The following KCNIP4 variants were observed in gnomAD, a reference collection of about 807,000 sequenced individuals.
The protein encoded by KCNIP4 is potassium voltage-gated channel interacting protein 4.
In KCNIP4, 12 loss-of-function variants were observed where a neutral mutation model predicts 34.0. The ratio of observed to expected loss-of-function variants is 0.35; its 90% CI spans 0.23 to 0.57. The LOEUF is 0.57. Ranked by LOEUF, KCNIP4 falls within the 20% of genes least tolerant of loss-of-function variation. KCNIP4 has a pLI of 0.83. For missense variants in KCNIP4, 238 were observed against 311.7 expected, an observed-to-expected ratio of 0.76 and a Z score of 1.78; for synonymous variants, 124 against 102.2, an observed-to-expected ratio of 1.21 and a Z score of -1.29.
intron 1 of KCNIP4, among the ~76,000 whole-genome samples, chr4:21,380,255 T>C (rs190372755): frequency 3.3e-5 from 5 of 152,250 alleles, no homozygotes; most frequent in Admixed American, 6.5e-5. Context: ...CCTAAGATAA[T>C]ACTATGTAAA....
At chr4:21,291,870 AGAAAGAAAG>A (rs796797925) in intron 1 of KCNIP4, among the ~76,000 whole-genome samples, 4 of 13,268 alleles carry the variant, frequency 3.0e-4, no homozygotes, top group African/African-American at 7.6e-4. Context: ...AAAAAAAAAA[AGAAAGAAAG>A]AAAGAAAGAA....
intron 1 of KCNIP4, among the ~76,000 whole-genome samples, chr4:20,908,216 C>T (rs1727979659): frequency 6.6e-6 from 1 of 151,718 alleles, no homozygotes; most frequent in South Asian, 2.1e-4. Flanking sequence ...TCTCCTGCCT[C>T]AGCCTCCTGA....
chr4:21,860,974 C>G (rs1322031660), intron 1 of KCNIP4, among the ~76,000 whole-genome samples: 2 of 152,194 alleles, frequency 1.3e-5, no homozygotes, highest in Admixed American at 6.5e-5. Flanking sequence ...CAAAAACTCT[C>G]AGTGCTACAA....
At chr4:20,738,626 C>G (rs1472163051) in intron 5 of KCNIP4, among the ~76,000 whole-genome samples, 1 of 152,182 alleles carries the variant, frequency 6.6e-6, no homozygotes, top group Non-Finnish European at 1.5e-5. Context: ...GGGAATCCCC[C>G]CAAGATGGCT....
Position 21,085,969 on chromosome 4 carries a change from A to G in KCNIP4, c.62-203260T>C, listed in dbSNP as rs185305847. 1.6e-4 allele frequency among the ~76,000 whole-genome samples: 25 copies of G among 152,298 alleles called. No individual in the cohort carries two copies. In the East Asian group the frequency reaches 4.4e-3, roughly 27 times the overall value. On this transcript the variant is annotated intron_variant, in intron 1 of 8. Coordinates refer to ENST00000382152, the MANE Select transcript of KCNIP4 (RefSeq NM_025221.6). ...GAGGGAATTCCAACCACATCACTCC[A>G]GGCCAGGAGGCTGAATCAGAAAGAT...
chr4:21,357,577 A>G (rs1029152612), intron 1 of KCNIP4, among the ~76,000 whole-genome samples: 3 of 152,250 alleles, frequency 2.0e-5, no homozygotes, highest in Non-Finnish European at 4.4e-5. Flanking sequence ...AATGCTCATC[A>G]TCACTGGTCA....
intron 1 of KCNIP4, among the ~76,000 whole-genome samples, chr4:21,030,554 G>A (rs955026324): frequency 7.9e-5 from 12 of 152,014 alleles, no homozygotes; most frequent in African/African-American, 2.9e-4. Context: ...AAAAATGTTG[G>A]GGACCACTGA....
At position 21,424,641 on chromosome 4, in the gene KCNIP4, A is replaced by G. The variant is rs1307468144; in HGVS notation, c.61+523930T>C. 2.6e-5 allele frequency among the ~76,000 whole-genome samples: 4 copies of G among 152,126 alleles called. No homozygotes were observed. The East Asian group carries it at 7.7e-4, about 29-fold the overall frequency. On this transcript the variant is annotated intron_variant, in intron 1 of 8. Transcript: ENST00000382152. ...AGAAAGAAAGAGAGAAAGCAAGCTT[A>G]CTTTTTTTAGGTTCATCTCACAATA...
chr4:21,857,816 C>T (rs1326827077), intron 1 of KCNIP4, among the ~76,000 whole-genome samples: 1 of 152,220 alleles, frequency 6.6e-6, no homozygotes, highest in Non-Finnish European at 1.5e-5. Flanking sequence ...TTGCTCGCCA[C>T]ATTGCAGGCA....
At chr4:21,436,265 GCCTT>G (rs1726937985) in intron 1 of KCNIP4, among the ~76,000 whole-genome samples, 1 of 152,116 alleles carries the variant, frequency 6.6e-6, no homozygotes, top group Admixed American at 6.5e-5. Context: ...AAACACCTGA[GCCTT>G]CCTTTCCTTC....
chr4:21,373,131 G>A (rs1425960208), intron 1 of KCNIP4, among the ~76,000 whole-genome samples: 1 of 146,620 alleles, frequency 6.8e-6, no homozygotes, highest in Non-Finnish European at 1.5e-5. Flanking sequence ...TCTTTAGCCT[G>A]AGCAACACAG....
intron 1 of KCNIP4, among the ~76,000 whole-genome samples, chr4:21,743,405 CT>C (rs33910770): frequency 0.74 from 106,686 of 144,730 alleles, 39,713 homozygotes; most frequent in African/African-American, 0.84. Flanking sequence ...ACTTTTGTCT[CT>C]TTTTTTTTTT....
At chr4:21,037,497 A>G (rs1741554957) in intron 1 of KCNIP4, among the ~76,000 whole-genome samples, 1 of 152,250 alleles carries the variant, frequency 6.6e-6, no homozygotes, top group African/African-American at 2.4e-5. Flanking sequence ...TTTCCAGTAT[A>G]GCAATGGGCT....
At chr4:21,232,584 T>G (rs945295210) in intron 1 of KCNIP4, among the ~76,000 whole-genome samples, 14 of 152,154 alleles carry the variant, frequency 9.2e-5, no homozygotes, top group African/African-American at 1.2e-4. Context: ...TATTGAGAAT[T>G]TACTATGTAT....
chr4:20,886,028 T>C (rs1725268861), intron 1 of KCNIP4, among the ~76,000 whole-genome samples: 1 of 152,228 alleles, frequency 6.6e-6, no homozygotes, highest in African/African-American at 2.4e-5. Flanking sequence ...ATAGCAAGTA[T>C]AATTAAAACA....
chr4:21,382,792 C>T (rs1206727623), intron 1 of KCNIP4, among the ~76,000 whole-genome samples: 1 of 152,118 alleles, frequency 6.6e-6, no homozygotes, highest in Non-Finnish European at 1.5e-5. Flanking sequence ...TACCACACAT[C>T]CTTTGATATA....
intron 1 of KCNIP4, among the ~76,000 whole-genome samples, chr4:21,281,808 A>G (rs892395470): frequency 1.3e-5 from 2 of 152,218 alleles, no homozygotes; most frequent in African/African-American, 4.8e-5. Context: ...GAAATTGCCA[A>G]CTGAACTGAT....
chr4:21,386,110 A>G (rs1722005631), intron 1 of KCNIP4, among the ~76,000 whole-genome samples: 1 of 152,212 alleles, frequency 6.6e-6, no homozygotes, highest in Non-Finnish European at 1.5e-5. Flanking sequence ...GAAACAATAA[A>G]GAAATTAACT....
rs553341855 is a variant in KCNIP4, at chr4:20,762,059, T to C, written c.289-3169A>G. Among the ~76,000 whole-genome samples the C allele has an allele frequency of 5.3e-5, 8 of 152,258 alleles. No individual in the cohort carries two copies. In the South Asian group the frequency reaches 1.7e-3, roughly 32 times the overall value. On this transcript the variant is annotated intron_variant, in intron 3 of 8. Coordinates refer to ENST00000382152, the MANE Select transcript of KCNIP4 (RefSeq NM_025221.6). ...TTCAGGCTCCTTTAACAAAATGCCA[T>C]AGACTAGGCAGCTTATAAACAATAG... is the stretch of plus-strand genomic sequence containing the variant.
Sources: gnomAD v4.1 joint callset for allele counts (sites outside exome capture counted in the v4.1 genomes callset) on GRCh38, gnomAD v4.1.1 for gene constraint, MANE v1.5 for transcripts, NCBI Gene and HGNC (gene_info 2026-07-23, HGNC 2026-07-21) for gene names.